The following L3MBTL4 variants were observed in gnomAD, a reference collection of about 807,000 sequenced individuals.
The protein encoded by L3MBTL4 is L3MBTL histone methyl-lysine binding protein 4.
A neutral mutation model predicts 84.5 loss-of-function variants in L3MBTL4; 70 were observed. The ratio of observed to expected loss-of-function variants is 0.83; its 90% confidence interval spans 0.68 to 1.01. The LOEUF is 1.01. Among genes scored for constraint, L3MBTL4 ranks in the 50% least tolerant of loss-of-function variants. The pLI, the probability that L3MBTL4 is intolerant of heterozygous loss-of-function variation, is 0.00. For synonymous variants in L3MBTL4, 274 were observed against 259.8 expected, an observed-to-expected ratio of 1.05 and a Z score of -0.52; for missense variants, 715 against 754.8, an observed-to-expected ratio of 0.95 and a Z score of 0.62.
intron 16 of L3MBTL4, among the ~76,000 whole-genome samples, chr18:5,980,268 ACT>A (rs1406768233): frequency 6.6e-6 from 1 of 151,856 alleles, no homozygotes; most frequent in Non-Finnish European, 1.5e-5. Context: ...CTCAGCAGAA[ACT>A]CTCCTAGGCC....
intron 13 of L3MBTL4, among the ~76,000 whole-genome samples, chr18:6,149,533 G>C (rs1395754123): frequency 3.3e-5 from 5 of 151,070 alleles, no homozygotes; most frequent in African/African-American, 4.9e-5. Flanking sequence ...CTTTATAGCA[G>C]CATGATTTAT....
intron 16 of L3MBTL4, among the ~76,000 whole-genome samples, chr18:6,029,176 A>C (rs758987546): frequency 6.6e-6 from 1 of 152,252 alleles, no homozygotes; most frequent in Non-Finnish European, 1.5e-5. Context: ...AACAGCCAAC[A>C]GAACTAAAAT....
chr18:6,368,990 C>T (rs529740692), intron 1 of L3MBTL4, among the ~76,000 whole-genome samples: 1 of 150,926 alleles, frequency 6.6e-6, no homozygotes, highest in East Asian at 2.0e-4. Flanking sequence ...TGCAGTGAGC[C>T]GAGATCTCGC....
chr18:6,150,405 G>A (rs978592866), intron 13 of L3MBTL4, among the ~76,000 whole-genome samples: 22 of 151,720 alleles, frequency 1.5e-4, no homozygotes, highest in Admixed American at 5.9e-4. Flanking sequence ...AACAGAAAAT[G>A]TTATGAGTTG....
Position 6,190,182 on chromosome 18 carries a change from C to A in L3MBTL4, c.982-18240G>T, listed in dbSNP as rs537601527. Among the ~76,000 whole-genome samples, 10 of 152,226 alleles carry A rather than the reference C, an allele frequency of 6.6e-5. No homozygotes were observed. The East Asian group carries it at 1.9e-3, about 29-fold the overall frequency. On this transcript the variant is annotated intron_variant, in intron 12 of 18. Coordinates refer to ENST00000317931, the MANE Select transcript of L3MBTL4 (RefSeq NM_001330559.2). ...ACATGAAAGAGTACATACTGTATGA[C>A]CGCATTCATAAGAAATACATGACTC...
chr18:6,393,653 C>A (rs2055150979), intron 1 of L3MBTL4, among the ~76,000 whole-genome samples: 1 of 152,168 alleles, frequency 6.6e-6, no homozygotes, highest in Admixed American at 6.5e-5. Context: ...GCCAATCAAT[C>A]AGGGAATCCC....
chr18:6,053,489 C>T (rs2056906107), intron 16 of L3MBTL4, among the ~76,000 whole-genome samples: 1 of 152,166 alleles, frequency 6.6e-6, no homozygotes, highest in Non-Finnish European at 1.5e-5. Context: ...AAAAGGCTGC[C>T]AACACCACAA....
chr18:6,022,620 G>T (rs2055322018), intron 16 of L3MBTL4, among the ~76,000 whole-genome samples: 1 of 152,080 alleles, frequency 6.6e-6, no homozygotes, highest in South Asian at 2.1e-4. Flanking sequence ...CTACTTACTT[G>T]CTTTATAAGG....
At chr18:6,312,220 G>A (rs1362663087) in intron 1 of L3MBTL4, among the ~76,000 whole-genome samples, 164 bp from the exon 2 acceptor site, 1 of 152,182 alleles carries the variant, frequency 6.6e-6, no homozygotes, top group Non-Finnish European at 1.5e-5. Flanking sequence ...TACCAAACGA[G>A]TTCCGCTGGA....
At chr18:6,267,551 G>A (rs993614089) in intron 4 of L3MBTL4, among the ~76,000 whole-genome samples, 1 of 152,166 alleles carries the variant, frequency 6.6e-6, no homozygotes, top group Non-Finnish European at 1.5e-5. Context: ...TTACAGTTAT[G>A]TGCTTTACAA....
chr18:6,271,292 TTTTA>T (rs1242026468), intron 4 of L3MBTL4, among the ~76,000 whole-genome samples: 2 of 152,222 alleles, frequency 1.3e-5, no homozygotes, highest in Admixed American at 1.3e-4. Context: ...CGTTAACTAG[TTTTA>T]TTTAATTATT....
At chr18:6,134,092 GT>G (rs1312573240) in intron 14 of L3MBTL4, among the ~76,000 whole-genome samples, 6 of 152,256 alleles carry the variant, frequency 3.9e-5, no homozygotes, top group African/African-American at 1.4e-4. Flanking sequence ...ATGGCAGAGG[GT>G]GAAAGGCACT....
chr18:6,302,682 T>C (rs937344306), intron 3 of L3MBTL4, among the ~76,000 whole-genome samples: 1 of 152,220 alleles, frequency 6.6e-6, no homozygotes, highest in African/African-American at 2.4e-5. Flanking sequence ...TCAAAATGTA[T>C]TCCACCTATT....
At chr18:6,312,868 G>T (rs1211523252) in intron 1 of L3MBTL4, among the ~76,000 whole-genome samples, 2 of 152,180 alleles carry the variant, frequency 1.3e-5, no homozygotes, top group South Asian at 4.1e-4. Flanking sequence ...TCTTTGCAAA[G>T]CAAGGTTCCT....
At chr18:6,208,243 T>C (rs965730758) in intron 12 of L3MBTL4, among the ~76,000 whole-genome samples, 1 of 152,200 alleles carries the variant, frequency 6.6e-6, no homozygotes, top group East Asian at 1.9e-4. Context: ...CTAACTCATA[T>C]CTGGACTTTT....
chr18:6,282,644 T>C (rs1206070928), intron 4 of L3MBTL4, among the ~76,000 whole-genome samples: 1 of 152,046 alleles, frequency 6.6e-6, no homozygotes, highest in Non-Finnish European at 1.5e-5. Flanking sequence ...CCACATCCTA[T>C]CCTACAGGCA....
At chr18:6,013,472 T>C (rs140037492) in intron 16 of L3MBTL4, among the ~76,000 whole-genome samples, 1 of 152,344 alleles carries the variant, frequency 6.6e-6, no homozygotes, top group African/African-American at 2.4e-5. Context: ...GCTCTTCTTC[T>C]CATCCTTCCA....
chr18:6,016,634 C>T (rs1322524461), intron 16 of L3MBTL4, among the ~76,000 whole-genome samples: 1 of 152,228 alleles, frequency 6.6e-6, no homozygotes, highest in Non-Finnish European at 1.5e-5. Context: ...CCCCTTCCTG[C>T]TCCCGTTCTG....
In L3MBTL4 at chr18:6,335,003, G is replaced by A. The variant is rs145117321; in HGVS notation, c.-90-22947C>T. Among the ~76,000 whole-genome samples, 681 of 152,252 alleles carry A rather than the reference G, an allele frequency of 4.5e-3. 9 individuals carry two copies. The highest frequency in any genetic ancestry group is 0.015 in the African/African-American group (630 of 41,560). On this transcript the variant is annotated intron_variant, in intron 1 of 18. Transcript: ENST00000317931. Reference sequence around the variant, plus strand: ...CATGTACCAAGACCTCTCTTGAACCGTTAATGGTTTACCTTTGTCTCTCCA... The same window carrying A: ...CATGTACCAAGACCTCTCTTGAACCATTAATGGTTTACCTTTGTCTCTCCA...
Sources: allele counts gnomAD v4.1 joint callset (sites outside exome capture counted in the v4.1 genomes callset), GRCh38; gene constraint gnomAD v4.1.1; transcripts MANE v1.5; gene names NCBI Gene and HGNC (gene_info 2026-07-23, HGNC 2026-07-21).